The following ZNF627 variants were observed in gnomAD, a reference collection of about 807,000 sequenced individuals.
ZNF627 encodes zinc finger protein 627.
Under a neutral mutation model 10.6 loss-of-function variants are expected in ZNF627, and 12 were observed. The ratio of observed to expected loss-of-function variants is 1.13; its 90% CI spans 0.73 to 1.84. ZNF627 has a LOEUF of 1.84. Among genes scored for constraint, ZNF627 ranks in the 40% most tolerant of loss-of-function variants. ZNF627 has a pLI of 0.00. For synonymous variants in ZNF627, 176 were observed against 187.1 expected, an observed-to-expected ratio of 0.94 and a Z score of 0.48; for missense variants, 504 against 568.4, an observed-to-expected ratio of 0.89 and a Z score of 1.15.
intron 1 of ZNF627, among the ~76,000 whole-genome samples, chr19:11,600,334 G>T (rs1056748328): frequency 6.6e-6 from 1 of 152,098 alleles, no homozygotes; most frequent in Non-Finnish European, 1.5e-5. Flanking sequence ...CAGCTACTTG[G>T]GAGGCTGAGG....
chr19:11,616,251 G>A (rs539137156), intron 3 of ZNF627, among the ~76,000 whole-genome samples: 1 of 151,844 alleles, frequency 6.6e-6, no homozygotes, highest in Non-Finnish European at 1.5e-5. Context: ...TCTCCACGTT[G>A]GTCAAGCTGG....
intron 1 of ZNF627, among the ~76,000 whole-genome samples, chr19:11,601,514 A>T (rs776029203): frequency 1.3e-5 from 2 of 151,886 alleles, no homozygotes; most frequent in Non-Finnish European, 2.9e-5. Flanking sequence ...TTATATTTTT[A>T]AAAAAGTTTT....
Position 11,614,638 on chromosome 19 carries a change from A to C in ZNF627, c.115A>C (p.Asn39His), listed in dbSNP as rs775515557. 9.3e-6 allele frequency: 15 copies of C among 1,613,780 alleles called. No homozygotes were observed. The highest frequency in any genetic ancestry group is 1.2e-5 in the Non-Finnish European group (14 of 1,179,966). Residue 39 changes from asparagine to histidine, a missense_variant, in exon 2 of 4, where the codon AAC (asparagine) becomes CAC (histidine). By Grantham distance (68) the Asn-to-His change is moderately conservative. Coordinates refer to ENST00000361113, the MANE Select transcript of ZNF627 (RefSeq NM_145295.4). ...YRDVMRETFR[N>H]LASVGKQWED... ...GGATGTGATGCGGGAAACCTTCAGG[A>C]ACCTGGCTTCTGTAGGTAAGGGTGA...
intron 1 of ZNF627, among the ~76,000 whole-genome samples, chr19:11,600,928 T>C (rs948187436): frequency 2.6e-5 from 4 of 152,250 alleles, no homozygotes; most frequent in African/African-American, 9.6e-5. Context: ...GCCTTACAAT[T>C]TCCTTCCTTG....
Position 11,618,312 on chromosome 19 carries a change from G to C in ZNF627, c.*423G>C, listed in dbSNP as rs1380728346. The C allele has an allele frequency of 6.2e-6, 1 of 160,006 alleles. No homozygotes were observed. The highest frequency in any genetic ancestry group is 1.4e-5 in the Non-Finnish European group (1 of 73,952). The allele number at this position is 160,006 out of a possible 1,614,324, so 9.9% of individuals were successfully genotyped here. ...TGCTTCTTTGGGTTGCCAATCAAGA[G>C]TATCCTCAAAACGACTTGACTTTAA... On this transcript the variant is annotated 3_prime_UTR_variant, in exon 4 of 4. Transcript: ENST00000361113.
rs4804612 is a variant in ZNF627, at chr19:11,618,382, T to C, written c.*493T>C. ...CTTCCACACAGGTCTCCAGAAGCCC[T>C]GCATTGAATATCCATCCACACTTTG... On this transcript the variant is annotated 3_prime_UTR_variant, in exon 4 of 4. Coordinates refer to ENST00000361113, the MANE Select transcript of ZNF627 (RefSeq NM_145295.4). 64,100 of 153,442 alleles carry C rather than the reference T, an allele frequency of 0.42. 13,713 individuals carry two copies. The highest frequency in any genetic ancestry group is 0.47 in the Admixed American group (7,274 of 15,358). 9.5% of individuals were successfully genotyped at this position (153,442 alleles called of 1,614,324 possible).
rs1342260617 is a variant in ZNF627, at chr19:11,617,937, G to A, written c.*48G>A. On this transcript the variant is annotated 3_prime_UTR_variant, in exon 4 of 4. Transcript: ENST00000361113. ...AAACCCCATGAAAGTAAGAAATTTGGGAAAGCCTTCAGTCCTTTCTGTTTC... is the reference window on the plus strand; with the variant it reads ...AAACCCCATGAAAGTAAGAAATTTGAGAAAGCCTTCAGTCCTTTCTGTTTC... 6.9e-7 allele frequency: 1 copy of A among 1,458,946 alleles called. No individual in the cohort carries two copies. The highest frequency in any genetic ancestry group is 9.1e-7 in the Non-Finnish European group (1 of 1,101,032). 90.4% of individuals were successfully genotyped at this position (1,458,946 alleles called of 1,614,324 possible). A position where few individuals can be genotyped will look rare whatever the true frequency, so the allele number is the denominator to read the frequency against.
intron 1 of ZNF627, among the ~76,000 whole-genome samples, chr19:11,612,673 G>A (rs1339040526): frequency 6.6e-6 from 1 of 151,872 alleles, no homozygotes; most frequent in Non-Finnish European, 1.5e-5. Context: ...TGTCTACCTC[G>A]GCCTCTCAAA....
intron 1 of ZNF627, among the ~76,000 whole-genome samples, chr19:11,612,848 G>A (rs1023168215): frequency 2.0e-5 from 3 of 151,554 alleles, no homozygotes; most frequent in Non-Finnish European, 2.9e-5. Context: ...GTTACTGGGG[G>A]TTGGTGTATT....
intron 3 of ZNF627, among the ~76,000 whole-genome samples, chr19:11,616,284 G>A (rs1973866419): frequency 6.6e-6 from 1 of 152,092 alleles, no homozygotes; most frequent in African/African-American, 2.4e-5. Flanking sequence ...GACCTCAGGT[G>A]ATCCTCCTGT....
intron 1 of ZNF627, among the ~76,000 whole-genome samples, chr19:11,614,199 C>T (rs898117937): frequency 3.9e-5 from 6 of 152,266 alleles, no homozygotes; most frequent in South Asian, 4.1e-4. Context: ...GGATTACAGG[C>T]GTGAGCCACC....
chr19:11,617,457 T>C lies in ZNF627; in HGVS notation c.954T>C (p.Cys318=), dbSNP rs779574448. Residue 318 remains cysteine (C), a synonymous_variant, in exon 4 of 4, where the codon TGT becomes TGC. Transcript: ENST00000361113. The part of the protein sequence containing the change: ...ECKECGKALT[C]LASVRRHMIK... Reference sequence around the variant, plus strand: ...AGGAATGCGGGAAGGCTTTGACTTGTCTTGCAAGTGTTAGAAGACACATGA... The same window carrying C: ...AGGAATGCGGGAAGGCTTTGACTTGCCTTGCAAGTGTTAGAAGACACATGA... The C allele has an allele frequency of 8.1e-6, 13 of 1,613,772 alleles. No individual in the cohort carries two copies. Among genetic ancestry groups the C allele is most frequent in the Non-Finnish European group, 5.9e-6 (7 of 1,180,018 alleles).
At chr19:11,599,031 A>G (rs1232348939) in intron 1 of ZNF627, among the ~76,000 whole-genome samples, 1 of 152,186 alleles carries the variant, frequency 6.6e-6, no homozygotes, top group Non-Finnish European at 1.5e-5. Context: ...TAAAAAAAAC[A>G]AAAAACAGTG....
intron 1 of ZNF627, among the ~76,000 whole-genome samples, chr19:11,609,838 A>G (rs1330094947): frequency 2.0e-5 from 3 of 151,884 alleles, no homozygotes; most frequent in African/African-American, 7.3e-5. Flanking sequence ...ATATTATTGC[A>G]TGCATCCTTT....
At chr19:11,613,049 T>C in intron 1 of ZNF627, among the ~76,000 whole-genome samples, 1 of 134,050 alleles carries the variant, frequency 7.5e-6, no homozygotes. Context: ...CATTTTACCA[T>C]TTATGAATGT....
chr19:11,610,313 G>C (rs1055850187), intron 1 of ZNF627, among the ~76,000 whole-genome samples: 1 of 151,958 alleles, frequency 6.6e-6, no homozygotes, highest in African/African-American at 2.4e-5. Context: ...TTTCTCCTCA[G>C]CTTTTCTTCC....
intron 1 of ZNF627, among the ~76,000 whole-genome samples, chr19:11,612,948 G>A (rs1004008158): frequency 5.3e-5 from 8 of 151,260 alleles, no homozygotes; most frequent in African/African-American, 1.9e-4. Flanking sequence ...AGGCCGCGGT[G>A]TCTGTTGTTC....
intron 1 of ZNF627, among the ~76,000 whole-genome samples, chr19:11,602,834 C>T (rs1445803945): frequency 6.6e-6 from 1 of 152,178 alleles, no homozygotes; most frequent in African/African-American, 2.4e-5. Flanking sequence ...AGAATTGAGA[C>T]CCTGGAGGAG....
chr19:11,614,518 A>T lies in ZNF627; in HGVS notation c.4-9A>T. ...AACCTTCCTCCTCCACACATGGGGG[A>T]TGTTTCAGGATTCAGTGGCCTTTGA... On this transcript the variant is annotated splice_polypyrimidine_tract_variant and intron_variant, in intron 1 of 3. Transcript: ENST00000361113. 6.2e-7 allele frequency: 1 copy of T among 1,613,680 alleles called. No individual in the cohort carries two copies. The highest frequency in any genetic ancestry group is 1.3e-5 in the African/African-American group (1 of 75,012).
Sources: allele counts gnomAD v4.1 joint callset (sites outside exome capture counted in the v4.1 genomes callset), GRCh38; gene constraint gnomAD v4.1.1; transcripts MANE v1.5; gene names NCBI Gene and HGNC (gene_info 2026-07-23, HGNC 2026-07-21).